The following RARA variants were observed in gnomAD, a reference collection of about 807,000 sequenced individuals.
RARA encodes the protein retinoic acid receptor alpha.
In RARA, 5 loss-of-function variants were observed where a neutral mutation model predicts 42.8. The ratio of observed to expected loss-of-function variants is 0.12; its 90% CI spans 0.06 to 0.25. The LOEUF is 0.25. Ranked by LOEUF, RARA falls within the 10% of genes least tolerant of loss-of-function variation. RARA has a pLI of 1.00. For synonymous variants in RARA, 256 were observed against 259.5 expected (o/e 0.99, Z 0.13); for missense variants, 402 against 628.7 (o/e 0.64, Z 3.86).
At chr17:40,338,885 G>C (rs1417819848) in intron 2 of RARA, among the ~76,000 whole-genome samples, 1 of 151,966 alleles carries the variant, frequency 6.6e-6, no homozygotes, top group Non-Finnish European at 1.5e-5. Context: ...GGGCATGCTG[G>C]TGCACACCTG....
rs868208857 is a variant in RARA at position 40,351,059 on chromosome 17, A to G, written c.470-851A>G. Among the ~76,000 whole-genome samples the G allele has an allele frequency of 5.3e-5, 8 of 151,722 alleles. No individual in the cohort carries two copies. Among genetic ancestry groups the G allele is most frequent in the Middle Eastern group, 3.4e-3 (1 of 294 alleles). ...AGCTGAGCAGCTGCCATTTCAATAG[A>G]ATTAAAGCTTCCGAATGATAAACGT... On this transcript the variant is annotated intron_variant, in intron 4 of 8. Transcript: ENST00000254066. This position sits in a 1 kb window ranked among gnomAD's most constrained non-coding sequence, Gnocchi z 4.1.
intron 1 of RARA, among the ~76,000 whole-genome samples, chr17:40,318,616 G>T (rs979465978): frequency 2.6e-5 from 4 of 152,238 alleles, no homozygotes; most frequent in South Asian, 2.1e-4. Flanking sequence ...TGTCCAGGGT[G>T]GGGGAGCCCC....
intron 1 of RARA, among the ~76,000 whole-genome samples, chr17:40,324,888 G>A (rs1457462678): frequency 6.6e-6 from 1 of 152,252 alleles, no homozygotes; most frequent in South Asian, 2.1e-4. Flanking sequence ...TGGGGAAGAG[G>A]CACCCTCCAG....
At chr17:40,338,769 G>C (rs2033935768) in intron 2 of RARA, among the ~76,000 whole-genome samples, 1 of 151,708 alleles carries the variant, frequency 6.6e-6, no homozygotes, top group South Asian at 2.1e-4. Flanking sequence ...CAGCACTTTG[G>C]GAGGCCGAGG....
rs945162102 is a variant in RARA, at chr17:40,351,862, C to T, written c.470-48C>T. 14 of 1,581,468 alleles carry T rather than the reference C, an allele frequency of 8.9e-6. No individual in the cohort carries two copies. The highest frequency in any genetic ancestry group is 1.4e-5 in the African/African-American group (1 of 72,644). On this transcript the variant is annotated intron_variant, in intron 4 of 8. Transcript: ENST00000254066. This position sits in a 1 kb window ranked among gnomAD's most constrained non-coding sequence, Gnocchi z 4.1. The stretch of plus-strand genomic sequence containing the variant: ...TCTGTCAGGCTGGGGGTGGACGAGG[C>T]CCTGAGCAGCCTGCAGCTGCCCTCT...
At chr17:40,342,301 G>A in intron 2 of RARA, 1 of 1,065,868 alleles carries the variant, frequency 9.4e-7, no homozygotes, top group Non-Finnish European at 1.1e-6. Context: ...CGGCTGGGAG[G>A]AGGAAGTGCT....
rs771510728 is a variant in RARA, at chr17:40,331,407, G to A, written c.178+11G>A. 6.2e-7 allele frequency: 1 copy of A among 1,611,168 alleles called. No homozygotes were observed. The highest frequency in any genetic ancestry group is 1.1e-5 in the South Asian group (1 of 90,718). On this transcript the variant is annotated intron_variant, in intron 2 of 8. Coordinates refer to ENST00000254066, the MANE Select transcript of RARA (RefSeq NM_000964.4). ...CACCATCCCCAGCCAGTAAGTCTGGGTGTGGGGGCTGGGGTGGGAAGGGAC... is the reference window on the plus strand; with the variant it reads ...CACCATCCCCAGCCAGTAAGTCTGGATGTGGGGGCTGGGGTGGGAAGGGAC...
In RARA at chr17:40,357,414, G is replaced by GGGC; in HGVS notation, c.*1188_*1189insGGC. On this transcript the variant is annotated 3_prime_UTR_variant, in exon 9 of 9. Coordinates refer to ENST00000254066, the MANE Select transcript of RARA (RefSeq NM_000964.4). Reference sequence around the variant, plus strand: ...CCGAGTTCCTCCATTTCCCTGGCCTGCCCCCCACCCCCAACCTGTCCCACC... The same window carrying GGGC: ...CCGAGTTCCTCCATTTCCCTGGCCTGGGCCCCCCCACCCCCAACCTGTCCCACC... 2 of 227,370 alleles carry GGGC rather than the reference G, an allele frequency of 8.8e-6. No individual in the cohort carries two copies. The highest frequency in any genetic ancestry group is 6.2e-5 in the East Asian group (1 of 16,060). 14.1% of individuals were successfully genotyped at this position (227,370 alleles called of 1,614,324 possible). A position where few individuals can be genotyped will look rare whatever the true frequency, so the allele number is the denominator to read the frequency against.
chr17:40,327,116 T>TG (rs2033568943), intron 1 of RARA, among the ~76,000 whole-genome samples: 1 of 148,476 alleles, frequency 6.7e-6, no homozygotes, highest in Non-Finnish European at 1.5e-5. Flanking sequence ...GGTGGTGGGC[T>TG]GGGGGTGAGG....
chr17:40,339,146 G>C (rs2033947251), intron 2 of RARA, among the ~76,000 whole-genome samples: 1 of 152,242 alleles, frequency 6.6e-6, no homozygotes, highest in African/African-American at 2.4e-5. Flanking sequence ...ACCCAGCAAG[G>C]CTGTGATAGT....
rs528680338 is a variant in RARA at position 40,320,975 on chromosome 17, G to A, written c.-362-9882G>A. Among the ~76,000 whole-genome samples the A allele has an allele frequency of 2.0e-5, 3 of 152,258 alleles. No homozygotes were observed. Among genetic ancestry groups the A allele is most frequent in the East Asian group, 3.9e-4 (2 of 5,186 alleles). Reference sequence around the variant, plus strand: ...TACTGGGTTTTGGGAAAGGAGTATGGCAACTGATACCCCGGCTCCCAGGGC... The same window carrying A: ...TACTGGGTTTTGGGAAAGGAGTATGACAACTGATACCCCGGCTCCCAGGGC... On this transcript the variant is annotated intron_variant, in intron 1 of 8. Coordinates refer to ENST00000254066, the MANE Select transcript of RARA (RefSeq NM_000964.4). This position sits in a 1 kb window ranked among gnomAD's most constrained non-coding sequence, Gnocchi z 4.1.
intron 1 of RARA, among the ~76,000 whole-genome samples, chr17:40,327,408 C>T (rs1272088375): frequency 1.3e-5 from 2 of 152,246 alleles, no homozygotes; most frequent in Admixed American, 6.5e-5. Flanking sequence ...TGTGAATTCA[C>T]CTGAGTGTTT....
At position 40,357,173 on chromosome 17, in the gene RARA, C is replaced by T. The variant is rs1385145849; in HGVS notation, c.*947C>T. 2 of 237,604 alleles carry T rather than the reference C, an allele frequency of 8.4e-6. No individual in the cohort carries two copies. Among genetic ancestry groups the T allele is most frequent in the East Asian group, 6.0e-5 (1 of 16,638 alleles). 14.7% of individuals were successfully genotyped at this position (237,604 alleles called of 1,614,324 possible). A position where few individuals can be genotyped will look rare whatever the true frequency, so the allele number is the denominator to read the frequency against. Reference sequence around the variant, plus strand: ...GGCCCCGGGACAGAGTTTTCCCAGACCTGGCTCCTCGGCAGAGCTGCCTCC... The same window carrying T: ...GGCCCCGGGACAGAGTTTTCCCAGATCTGGCTCCTCGGCAGAGCTGCCTCC... On this transcript the variant is annotated 3_prime_UTR_variant, in exon 9 of 9. Coordinates refer to ENST00000254066, the MANE Select transcript of RARA (RefSeq NM_000964.4).
rs1350597669 is a variant in RARA at position 40,352,384 on chromosome 17, C to T, written c.684C>T (p.Phe228=). ...TGGACATTGACCTCTGGGACAAGTT[C>T]AGTGAACTCTCCACCAAGTGCATCA... ...VSLDIDLWDK[F]SELSTKCIIK... is the part of the protein sequence containing the mutation. Residue 228 remains phenylalanine (F), a synonymous_variant, in exon 6 of 9, where the codon TTC becomes TTT. Coordinates refer to ENST00000254066, the MANE Select transcript of RARA (RefSeq NM_000964.4). This position sits in a 1 kb window ranked among gnomAD's most constrained non-coding sequence, Gnocchi z 4.9. 2.5e-6 allele frequency: 4 copies of T among 1,613,500 alleles called. No homozygotes were observed. The highest frequency in any genetic ancestry group is 1.3e-5 in the African/African-American group (1 of 74,890).
chr17:40,340,847 TG>T, intron 2 of RARA: 1 of 400,182 alleles, frequency 2.5e-6, no homozygotes. Flanking sequence ...GGTAAGAACA[TG>T]GGCTTTGGCA....
chr17:40,349,675 G>A, intron 3 of RARA, 109 bp from the exon 4 acceptor site: 3 of 1,432,026 alleles, frequency 2.1e-6, no homozygotes, highest in East Asian at 2.3e-5. Context: ...ATGGGCAAAC[G>A]CTTGGGGGCA....
chr17:40,331,065 C>A lies in RARA; in HGVS notation c.-154C>A, dbSNP rs1347367088. ...GCTCCAGGAGACTGAGATTAGCCTG[C>A]CCTCTTTGGACAGCAGCTCCAGGAC... On this transcript the variant is annotated 5_prime_UTR_variant, in exon 2 of 9. Transcript: ENST00000254066. 4 of 859,858 alleles carry A rather than the reference C, an allele frequency of 4.7e-6. No individual in the cohort carries two copies. Among genetic ancestry groups the A allele is most frequent in the Non-Finnish European group, 6.9e-6 (4 of 576,744 alleles). The allele number at this position is 859,858 out of a possible 1,614,324, so 53.3% of individuals were successfully genotyped here.
intron 6 of RARA, among the ~76,000 whole-genome samples, chr17:40,353,880 T>C (rs1474093773): frequency 1.3e-5 from 2 of 152,114 alleles, no homozygotes; most frequent in East Asian, 3.9e-4. Context: ...ACTGAGCGCT[T>C]GTTGTGTACC....
At chr17:40,311,865 C>T (rs983033204) in intron 1 of RARA, among the ~76,000 whole-genome samples, 1 of 152,224 alleles carries the variant, frequency 6.6e-6, no homozygotes. Context: ...CAGCTTCTCC[C>T]TCCTAGCCTC....
Sources: gnomAD v4.1 joint callset for allele counts (sites outside exome capture counted in the v4.1 genomes callset) on GRCh38, gnomAD v4.1.1 for gene constraint, Gnocchi (gnomAD v3.1) non-coding constraint, MANE v1.5 for transcripts, NCBI Gene and HGNC (gene_info 2026-07-23, HGNC 2026-07-21) for gene names.